Variants in MYT1L observed in about 807,000 individuals in gnomAD.
MYT1L encodes the protein myelin transcription factor 1 like.
Under a neutral mutation model 126.7 loss-of-function variants are expected in MYT1L, and 12 were observed. The ratio of observed to expected loss-of-function variants is 0.09; its 90% CI spans 0.06 to 0.15. The LOEUF is 0.15. Ranked by LOEUF, MYT1L falls within the 10% of genes least tolerant of loss-of-function variation. The probability of loss-of-function intolerance (pLI) is 1.00; values close to 1 mark genes in which losing one functional copy is unlikely to be tolerated. For missense variants in MYT1L, 979 were observed against 1,585.2 expected (o/e 0.62, Z 6.49); for synonymous variants, 541 against 604.2 (o/e 0.90, Z 1.53).
At chr2:1,928,948 T>C (rs1211887284) in intron 9 of MYT1L, among the ~76,000 whole-genome samples, 2 of 152,042 alleles carry the variant, frequency 1.3e-5, no homozygotes, top group African/African-American at 2.4e-5. Flanking sequence ...TGGGAGACAG[T>C]TGAGAGCCAG....
intron 4 of MYT1L, among the ~76,000 whole-genome samples, chr2:2,041,512 G>A (rs1342216823): frequency 6.6e-6 from 1 of 152,192 alleles, no homozygotes; most frequent in Non-Finnish European, 1.5e-5. Flanking sequence ...GTTTTACAAA[G>A]ATATTCTTTG....
intron 1 of MYT1L, among the ~76,000 whole-genome samples, chr2:2,292,188 G>A (rs1234356268): frequency 6.6e-6 from 1 of 152,212 alleles, no homozygotes; most frequent in Non-Finnish European, 1.5e-5. Flanking sequence ...CAGAGTGACT[G>A]GGGGCGGGCG....
chr2:1,959,132 C>T (rs2058750602), intron 8 of MYT1L, among the ~76,000 whole-genome samples: 1 of 152,132 alleles, frequency 6.6e-6, no homozygotes, highest in African/African-American at 2.4e-5. Flanking sequence ...CAGATCATCT[C>T]ATAGCTGTGA....
At position 1,793,088 on chromosome 2, in the gene MYT1L, C is replaced by T. The variant is rs2032548252; in HGVS notation, c.3277-624G>A. On this transcript the variant is annotated intron_variant, in intron 23 of 24. Coordinates refer to ENST00000647738, the MANE Select transcript of MYT1L (RefSeq NM_001303052.2). The surrounding 1 kb of genome is among the most constrained non-coding windows in gnomAD (Gnocchi z 4.6). ...CCTTTCTAGCCTGAATAAAATTCTG[C>T]CACAGCTAAGTCCTCCAATGCTCAT... Among the ~76,000 whole-genome samples, 2 of 152,106 alleles carry T rather than the reference C, an allele frequency of 1.3e-5. No homozygotes were observed. The highest frequency in any genetic ancestry group is 4.8e-5 in the African/African-American group (2 of 41,416).
chr2:2,142,405 T>A (rs1010139939), intron 3 of MYT1L, among the ~76,000 whole-genome samples: 1 of 152,172 alleles, frequency 6.6e-6, no homozygotes, highest in Non-Finnish European at 1.5e-5. Flanking sequence ...TTACAGATAT[T>A]TTAATAGAAC....
intron 3 of MYT1L, among the ~76,000 whole-genome samples, chr2:2,095,026 G>T (rs1456629740): frequency 6.6e-6 from 1 of 152,214 alleles, no homozygotes; most frequent in Non-Finnish European, 1.5e-5. Flanking sequence ...ACCCAGTCCA[G>T]CAGGGGTCTC....
At chr2:2,282,945 T>C (rs1170010726) in intron 2 of MYT1L, among the ~76,000 whole-genome samples, 1 of 152,148 alleles carries the variant, frequency 6.6e-6, no homozygotes, top group Non-Finnish European at 1.5e-5. Context: ...TGTGGTGGCA[T>C]GTGCCAGTAA....
chr2:1,915,938 T>G (rs1028190088), intron 11 of MYT1L, among the ~76,000 whole-genome samples: 1 of 152,156 alleles, frequency 6.6e-6, no homozygotes, highest in Non-Finnish European at 1.5e-5. Context: ...TTCAGTGAAC[T>G]TGTGTTTGCT....
chr2:1,961,443 C>T (rs1471559311), intron 8 of MYT1L, among the ~76,000 whole-genome samples: 1 of 152,172 alleles, frequency 6.6e-6, no homozygotes, highest in Non-Finnish European at 1.5e-5. Context: ...TGTATCTGTC[C>T]CTGGTTAGCC....
chr2:1,840,740 A>T lies in MYT1L; in HGVS notation c.2858+20T>A. The T allele has an allele frequency of 6.5e-7, 1 of 1,534,386 alleles. No homozygotes were observed. The highest frequency in any genetic ancestry group is 1.2e-5 in the South Asian group (1 of 83,432). On this transcript the variant is annotated intron_variant, in intron 20 of 24. Transcript: ENST00000647738. ...ACATGGCAGCCCTGCTATGGTTCTC[A>T]GCCCCACTGGTGCTCATACCTGATG...
At chr2:2,160,240 G>A (rs1429792186) in intron 3 of MYT1L, among the ~76,000 whole-genome samples, 1 of 152,132 alleles carries the variant, frequency 6.6e-6, no homozygotes, top group African/African-American at 2.4e-5. Flanking sequence ...AAAACCTCAG[G>A]AGATACCAAA....
chr2:2,236,780 TCTTCTTCTTCTTCTTCTTCTTC>T lies in MYT1L; in HGVS notation c.-421+47602_-421+47623del, dbSNP rs2094321596. Reference sequence around the variant, plus strand: ...CCTTTCTTCTTCTTCTTCTTCTTCTTCTTCTTCTTCTTCTTCTTCTTCTTCTTCTTCTTCTTTTTTTTTTTTT... The same window carrying T: ...CCTTTCTTCTTCTTCTTCTTCTTCTTTTCTTCTTCTTCTTTTTTTTTTTTT... On this transcript the variant is annotated intron_variant, in intron 2 of 24. Transcript: ENST00000647738. Among the ~76,000 whole-genome samples, 4 of 46,934 alleles carry T rather than the reference TCTTCTTCTTCTTCTTCTTCTTC, an allele frequency of 8.5e-5. 1 individual carries two copies. The allele number at this position is 46,934 out of a possible 152,430, so 30.8% of individuals were successfully genotyped here.
chr2:2,123,481 T>C (rs2081306276), intron 3 of MYT1L, among the ~76,000 whole-genome samples: 1 of 152,168 alleles, frequency 6.6e-6, no homozygotes, highest in Admixed American at 6.5e-5. Flanking sequence ...AATTGGATCA[T>C]GGGGCCCATT....
At chr2:2,323,187 G>C (rs555550475) in intron 1 of MYT1L, among the ~76,000 whole-genome samples, 7 of 152,174 alleles carry the variant, frequency 4.6e-5, no homozygotes, top group South Asian at 2.1e-4. Context: ...ATTCATTAAA[G>C]GTGGTTTCTT....
At chr2:2,122,868 T>TGA (rs1180148782) in intron 3 of MYT1L, among the ~76,000 whole-genome samples, 195 of 143,568 alleles carry the variant, frequency 1.4e-3, no homozygotes, top group African/African-American at 5.0e-3. Context: ...TGTGTGTGTG[T>TGA]GTGTGAGAGA....
chr2:2,109,539 A>T (rs565433198), intron 3 of MYT1L, among the ~76,000 whole-genome samples: 1 of 152,088 alleles, frequency 6.6e-6, no homozygotes, highest in East Asian at 1.9e-4. Flanking sequence ...CCCTTTCTTT[A>T]GCTTTCTTAG....
At chr2:1,841,395 AC>A (rs1401162554) in intron 19 of MYT1L, 9 of 152,728 alleles carry the variant, frequency 5.9e-5, no homozygotes, top group African/African-American at 2.2e-4. Flanking sequence ...CGATCTCCTG[AC>A]CTCGTAATCC....
chr2:1,931,398 C>A (rs941350235), intron 9 of MYT1L, among the ~76,000 whole-genome samples: 2 of 150,322 alleles, frequency 1.3e-5, no homozygotes, highest in African/African-American at 4.9e-5. Context: ...ACGTCTGCTG[C>A]GCCTTGCAAG....
At chr2:2,176,365 A>G (rs2090772197) in intron 2 of MYT1L, among the ~76,000 whole-genome samples, 1 of 152,102 alleles carries the variant, frequency 6.6e-6, no homozygotes, top group Non-Finnish European at 1.5e-5. Flanking sequence ...TATTTGTGGG[A>G]TGGCTTCAAT....
Sources: gnomAD v4.1 joint callset for allele counts (sites outside exome capture counted in the v4.1 genomes callset) on GRCh38, gnomAD v4.1.1 for gene constraint, Gnocchi (gnomAD v3.1) non-coding constraint, MANE v1.5 for transcripts, NCBI Gene and HGNC (gene_info 2026-07-23, HGNC 2026-07-21) for gene names.